SAMTOR: variants seen among roughly 807,000 people sequenced by gnomAD.
The protein encoded by SAMTOR is UPF0532 protein C7orf60.
chr7:112,935,238 T>C, the SAMTOR span: 2 of 449,156 alleles, frequency 4.5e-6, no homozygotes, highest in Non-Finnish European at 8.9e-6. Flanking sequence ...TTGGTCAAAA[T>C]TTTAAAGCAG....
chr7:112,936,665 G>A, the SAMTOR span, among the ~76,000 whole-genome samples: 1 of 152,124 alleles, frequency 6.6e-6, no homozygotes, highest in Non-Finnish European at 1.5e-5. Flanking sequence ...GGGAAAAGAA[G>A]GCTCTGTTCT....
At chr7:112,936,302 T>C in the SAMTOR span, among the ~76,000 whole-genome samples, 2 of 152,206 alleles carry the variant, frequency 1.3e-5, no homozygotes, top group Admixed American at 6.5e-5. Flanking sequence ...CATTTCTTTT[T>C]AGTAACTGCT....
At chr7:112,936,743 CTAACT>C in the SAMTOR span, among the ~76,000 whole-genome samples, 1 of 152,254 alleles carries the variant, frequency 6.6e-6, no homozygotes, top group Admixed American at 6.5e-5. Flanking sequence ...TTATTCTACC[CTAACT>C]TATTTCCTTC....
At chr7:112,832,012 CTTTTTTTT>C in the SAMTOR span, among the ~76,000 whole-genome samples, 4 of 131,092 alleles carry the variant, frequency 3.1e-5, no homozygotes, top group African/African-American at 1.1e-4. Context: ...ACTGAAGTTT[CTTTTTTTT>C]TTTTTTTTTT....
the SAMTOR span, among the ~76,000 whole-genome samples, chr7:112,859,869 C>T: frequency 0.37 from 56,183 of 151,946 alleles, 12,617 homozygotes; most frequent in African/African-American, 0.63. Context: ...ATTGATTTTA[C>T]TGAAAATGAA....
At chr7:112,864,438 A>G in the SAMTOR span, among the ~76,000 whole-genome samples, 1 of 152,198 alleles carries the variant, frequency 6.6e-6, no homozygotes, top group East Asian at 1.9e-4. Flanking sequence ...TTTTATGATA[A>G]AGTTTAATGA....
chr7:112,823,642 T>C, the SAMTOR span, among the ~76,000 whole-genome samples: 1,667 of 152,300 alleles, frequency 0.011, 31 homozygotes, highest in African/African-American at 0.038. Context: ...TTCCCATACA[T>C]GTGTTTGAAT....
the SAMTOR span, among the ~76,000 whole-genome samples, chr7:112,870,828 G>A: frequency 4.0e-5 from 6 of 150,644 alleles, no homozygotes; most frequent in Middle Eastern, 3.2e-3. Flanking sequence ...CAAAGTAAAG[G>A]GATAGAGAAA....
the SAMTOR span, among the ~76,000 whole-genome samples, chr7:112,827,712 T>A: frequency 6.6e-6 from 1 of 152,166 alleles, no homozygotes; most frequent in Non-Finnish European, 1.5e-5. Context: ...ATATTATTTT[T>A]ATTGTTGTAT....
the SAMTOR span, among the ~76,000 whole-genome samples, chr7:112,883,901 T>G: frequency 1.1e-4 from 16 of 152,244 alleles, no homozygotes; most frequent in Non-Finnish European, 2.1e-4. Context: ...GTTCTCATGC[T>G]GCTGATAAAG....
At chr7:112,834,943 A>G in the SAMTOR span, among the ~76,000 whole-genome samples, 5 of 152,286 alleles carry the variant, frequency 3.3e-5, no homozygotes, top group African/African-American at 9.6e-5. Context: ...ATGAAGTACA[A>G]TAAGATACTT....
At chr7:112,911,250 T>C in the SAMTOR span, among the ~76,000 whole-genome samples, 1 of 152,110 alleles carries the variant, frequency 6.6e-6, no homozygotes, top group Non-Finnish European at 1.5e-5. Context: ...CGAGTGGAAC[T>C]AAAAAGCAGA....
chr7:112,889,103 G>A, the SAMTOR span, among the ~76,000 whole-genome samples: 2 of 152,132 alleles, frequency 1.3e-5, no homozygotes, highest in African/African-American at 2.4e-5. Flanking sequence ...AGAAAGAAGT[G>A]TACCTAAATG....
chr7:112,840,135 T>C, the SAMTOR span, among the ~76,000 whole-genome samples: 1 of 151,882 alleles, frequency 6.6e-6, no homozygotes, highest in East Asian at 1.9e-4. Flanking sequence ...AGGGGTACGA[T>C]GGAGTCTGGG....
At chr7:112,888,566 T>C in the SAMTOR span, among the ~76,000 whole-genome samples, 7 of 152,106 alleles carry the variant, frequency 4.6e-5, no homozygotes, top group African/African-American at 1.7e-4. Context: ...ATCTAAATTC[T>C]GAGATATAGA....
chr7:112,865,928 A>G, the SAMTOR span, among the ~76,000 whole-genome samples: 1 of 151,300 alleles, frequency 6.6e-6, no homozygotes, highest in Admixed American at 6.6e-5. Context: ...ACTTCACTCC[A>G]GCCTGGGCAA....
the SAMTOR span, among the ~76,000 whole-genome samples, chr7:112,917,492 T>C: frequency 1.3e-5 from 2 of 151,790 alleles, no homozygotes; most frequent in African/African-American, 4.8e-5. Context: ...ACCACAAAGA[T>C]GGGGAAAAAA....
At chr7:112,891,683 A>G in the SAMTOR span, among the ~76,000 whole-genome samples, 1 of 152,232 alleles carries the variant, frequency 6.6e-6, no homozygotes, top group East Asian at 1.9e-4. Context: ...CATATAAGTT[A>G]TGTTCCACTA....
chr7:112,832,627 G>T, the SAMTOR span: 1 of 1,613,544 alleles, frequency 6.2e-7, no homozygotes, highest in Non-Finnish European at 8.5e-7. Flanking sequence ...ATGGGTTAAA[G>T]CAGCTGCCAA....
Sources: allele counts gnomAD v4.1 joint callset (sites outside exome capture counted in the v4.1 genomes callset), GRCh38; gene constraint gnomAD v4.1.1; transcripts MANE v1.5; gene names NCBI Gene and HGNC (gene_info 2026-07-23, HGNC 2026-07-21).